The following CCDC186 variants were observed in gnomAD, a reference collection of about 807,000 sequenced individuals.
CCDC186 encodes coiled-coil domain-containing protein 186.
CCDC186 carries 49 observed loss-of-function variants against 113.7 expected under a neutral mutation model. The ratio of observed to expected loss-of-function variants is 0.43; its 90% confidence interval spans 0.34 to 0.55. CCDC186 has a LOEUF of 0.55. CCDC186 is among the 20% of genes least tolerant of loss of function. The probability of loss-of-function intolerance (pLI) is 0.02; values close to 1 mark genes in which losing one functional copy is unlikely to be tolerated. For synonymous variants in CCDC186, 355 were observed against 345.8 expected, an observed-to-expected ratio of 1.03 and a Z score of -0.30; for missense variants, 890 against 1,011.1, an observed-to-expected ratio of 0.88 and a Z score of 1.62.
chr10:114,161,575 T>C (rs1363728514), intron 2 of CCDC186: 3 of 152,126 alleles, frequency 2.0e-5, no homozygotes, highest in Non-Finnish European at 4.4e-5. Flanking sequence ...AAAGTTACCC[T>C]ATAAAATGCA....
At position 114,125,912 on chromosome 10, in the gene CCDC186, T is replaced by C. The variant is rs1467096119; in HGVS notation, c.2587A>G (p.Thr863Ala). The C allele has an allele frequency of 6.2e-7, 1 of 1,613,902 alleles. No homozygotes were observed. The highest frequency in any genetic ancestry group is 1.1e-5 in the South Asian group (1 of 91,084). Residue 863 changes from threonine (T) to alanine (A), a missense_variant, in exon 15 of 16, where the codon ACG becomes GCG. By Grantham distance (58) the Thr-to-Ala change is moderately conservative. Transcript: ENST00000369287. ...TTCAAAGTAATATTTTTTAGTAACG[T>C]ATCCTCCAAAACAGCCTGTAATTTT... is the stretch of plus-strand genomic sequence containing the variant. Reference protein sequence around the residue: ...NRKLQAVLEDTLLKNITLKEN... With the variant: ...NRKLQAVLEDALLKNITLKEN...
intron 6 of CCDC186, among the ~76,000 whole-genome samples, chr10:114,137,654 G>A (rs1377848251): frequency 6.6e-6 from 1 of 152,138 alleles, no homozygotes; most frequent in African/African-American, 2.4e-5. Context: ...TGTAATTCCA[G>A]CACTTTGGGA....
intron 2 of CCDC186, 82 bp downstream of exon 2, chr10:114,162,555 G>C: frequency 9.8e-7 from 1 of 1,022,890 alleles, no homozygotes; most frequent in Non-Finnish European, 1.4e-6. Context: ...TGAACAAAAT[G>C]GTATTTTCCT....
chr10:114,157,178 ATTTT>A (rs34377537), intron 3 of CCDC186, among the ~76,000 whole-genome samples: 2 of 121,178 alleles, frequency 1.7e-5, no homozygotes, highest in Non-Finnish European at 1.7e-5. Flanking sequence ...AGTTTTCAGA[ATTTT>A]TTTTTTTTTT....
intron 6 of CCDC186, among the ~76,000 whole-genome samples, chr10:114,143,796 A>C (rs907394091): frequency 6.6e-6 from 1 of 152,202 alleles, no homozygotes; most frequent in African/African-American, 2.4e-5. Flanking sequence ...CTGGAAACTG[A>C]TATTTTCATA....
chr10:114,154,210 C>CAAAAAAAAAAAAAAA (rs1276405190), intron 3 of CCDC186, among the ~76,000 whole-genome samples: 3 of 81,180 alleles, frequency 3.7e-5, no homozygotes, highest in African/African-American at 7.9e-5. Flanking sequence ...GACCTTGTCT[C>CAAAAAAAAAAAAAAA]AAAAAAAAAA....
intron 1 of CCDC186, among the ~76,000 whole-genome samples, chr10:114,171,761 G>A (rs2032500887): frequency 6.6e-6 from 1 of 152,138 alleles, no homozygotes; most frequent in Admixed American, 6.5e-5. Context: ...ACATTACATA[G>A]TCTACATAAT....
rs1323120835 is a variant in CCDC186, at chr10:114,161,888, T to C, written c.632+749A>G. On this transcript the variant is annotated intron_variant, in intron 2 of 15. Coordinates refer to ENST00000369287, the MANE Select transcript of CCDC186 (RefSeq NM_018017.4). ...AATGAAATTCTGACATGTTACAACATGGATAAATGAGGACATTAGGCTAAA... is the reference window on the plus strand; with the variant it reads ...AATGAAATTCTGACATGTTACAACACGGATAAATGAGGACATTAGGCTAAA... 1.4e-4 allele frequency: 22 copies of C among 152,152 alleles called. 1 individual carries two copies. The allele number at this position is 152,152 out of a possible 1,614,324, so 9.4% of individuals were successfully genotyped here. A position where few individuals can be genotyped will look rare whatever the true frequency, so the allele number is the denominator to read the frequency against.
At chr10:114,171,834 A>G (rs1392510389) in intron 1 of CCDC186, among the ~76,000 whole-genome samples, 2 of 152,182 alleles carry the variant, frequency 1.3e-5, no homozygotes, top group Non-Finnish European at 2.9e-5. Context: ...TACACTCACA[A>G]TCCAATCAAA....
At position 114,145,657 on chromosome 10, in the gene CCDC186, T is replaced by C; in HGVS notation, c.993A>G (p.Thr331=). The change falls in exon 5 of 16, where the codon ACA becomes ACG. Residue 331 remains threonine (T), a synonymous_variant. Transcript: ENST00000369287. ...TTGCATCTCTAAGTTTTTTCTCAAG[T>C]GTCTCTTTTTCCTTTCGAAGATCTA... is the stretch of plus-strand genomic sequence containing the variant. ...ESLDLRKEKE[T]LEKKLRDANK... 2 of 1,613,456 alleles carry C rather than the reference T, an allele frequency of 1.2e-6. No homozygotes were observed. Among genetic ancestry groups the C allele is most frequent in the Non-Finnish European group, 1.7e-6 (2 of 1,179,876 alleles).
At chr10:114,170,722 A>C (rs190820339) in intron 1 of CCDC186, among the ~76,000 whole-genome samples, 2 of 152,142 alleles carry the variant, frequency 1.3e-5, no homozygotes, top group Non-Finnish European at 2.9e-5. Flanking sequence ...TATGAGACCA[A>C]GGTTATTTAT....
At chr10:114,146,208 A>G in intron 4 of CCDC186, among the ~76,000 whole-genome samples, 1 of 152,346 alleles carries the variant, frequency 6.6e-6, no homozygotes, top group East Asian at 1.9e-4. Context: ...GAGTTCCCAC[A>G]GGTTGGCTGA....
At chr10:114,156,241 A>C (rs2119817188) in intron 3 of CCDC186, among the ~76,000 whole-genome samples, 1 of 152,340 alleles carries the variant, frequency 6.6e-6, no homozygotes, top group Non-Finnish European at 1.5e-5. Flanking sequence ...AAATTGTTTT[A>C]CCAATTGTTT....
chr10:114,126,178 AATC>A lies in CCDC186; in HGVS notation c.2394-76_2394-74del, dbSNP rs1387025327. On this transcript the variant is annotated intron_variant, in intron 14 of 15. Transcript: ENST00000369287. Reference sequence around the variant, plus strand: ...AAAATGGAATCTGCAAAAGTCAACTAATCATAAAGATAAGCATAAAATAAATAT... The same window carrying A: ...AAAATGGAATCTGCAAAAGTCAACTAATAAAGATAAGCATAAAATAAATAT... 4.8e-5 allele frequency: 53 copies of A among 1,103,674 alleles called. No individual in the cohort carries two copies. The African/African-American group carries it at 7.8e-4, about 16-fold the overall frequency. The allele number at this position is 1,103,674 out of a possible 1,614,324, so 68.4% of individuals were successfully genotyped here.
In CCDC186 at chr10:114,121,734, C is replaced by T. The variant is rs1390064409; in HGVS notation, c.*3409G>A. 1 of 152,144 alleles carries T rather than the reference C, an allele frequency of 6.6e-6. No homozygotes were observed. The highest frequency in any genetic ancestry group is 2.4e-5 in the African/African-American group (1 of 41,442). The allele number at this position is 152,144 out of a possible 1,614,324, so 9.4% of individuals were successfully genotyped here. On this transcript the variant is annotated 3_prime_UTR_variant, in exon 16 of 16. Coordinates refer to ENST00000369287, the MANE Select transcript of CCDC186 (RefSeq NM_018017.4). ...TGCACAAGTAGATAAACCCTCTTCT[C>T]AGGCCAGTTATAAAGGGCTGAGATG...
At chr10:114,157,533 G>T (rs756839985) in intron 3 of CCDC186, 21 bp downstream of exon 3, 7 of 1,577,466 alleles carry the variant, frequency 4.4e-6, no homozygotes, top group Non-Finnish European at 6.0e-6. Context: ...TATAGTCTTC[G>T]AAGATTTTTG....
intron 14 of CCDC186, among the ~76,000 whole-genome samples, chr10:114,127,070 G>C (rs2030929538): frequency 6.6e-6 from 1 of 151,978 alleles, no homozygotes; most frequent in South Asian, 2.1e-4. Context: ...ACAGCGCCTT[G>C]TACTACTAGG....
intron 2 of CCDC186, chr10:114,161,901 A>T (rs137887382): frequency 6.6e-6 from 1 of 152,216 alleles, no homozygotes; most frequent in Non-Finnish European, 1.5e-5. Context: ...ATAAATGAGG[A>T]CATTAGGCTA....
At chr10:114,154,210 C>CAAAAAAAAAA (rs1276405190) in intron 3 of CCDC186, among the ~76,000 whole-genome samples, 1 of 81,162 alleles carries the variant, frequency 1.2e-5, no homozygotes, top group Non-Finnish European at 2.7e-5. Context: ...GACCTTGTCT[C>CAAAAAAAAAA]AAAAAAAAAA....
Sources: gnomAD v4.1 joint callset for allele counts (sites outside exome capture counted in the v4.1 genomes callset) on GRCh38, gnomAD v4.1.1 for gene constraint, MANE v1.5 for transcripts, NCBI Gene and HGNC (gene_info 2026-07-23, HGNC 2026-07-21) for gene names.